PTPRM: variants seen among roughly 807,000 people sequenced by gnomAD.
PTPRM encodes receptor-type tyrosine-protein phosphatase mu.
In PTPRM, 47 loss-of-function variants were observed where a neutral mutation model predicts 186.7. The ratio of observed to expected loss-of-function variants is 0.25; its 90% CI spans 0.20 to 0.32. The LOEUF (loss-of-function observed/expected upper bound fraction) is 0.32. PTPRM is among the 10% of genes least tolerant of loss of function. The probability of loss-of-function intolerance (pLI) is 1.00; values close to 1 mark genes in which losing one functional copy is unlikely to be tolerated. For synonymous variants in PTPRM, 668 were observed against 674.9 expected (o/e 0.99, Z 0.16); for missense variants, 1,494 against 1,865.0 (o/e 0.80, Z 3.66).
In PTPRM at chr18:8,372,325, C is replaced by T. The variant is rs547839504; in HGVS notation, c.3171+1319C>T. ...TCCTGACCTCATGATCCACCCGCCTCGGCCTCCCAAAGTGCTGGGATTACA... is the reference window on the plus strand; with the variant it reads ...TCCTGACCTCATGATCCACCCGCCTTGGCCTCCCAAAGTGCTGGGATTACA... On this transcript the variant is annotated intron_variant, in intron 24 of 32. Transcript: ENST00000580170. Among the ~76,000 whole-genome samples, 232 of 144,168 alleles carry T rather than the reference C, an allele frequency of 1.6e-3. 9 individuals carry two copies. Among genetic ancestry groups the T allele is most frequent in the African/African-American group, 5.8e-3 (219 of 37,458 alleles). 94.6% of individuals were successfully genotyped at this position (144,168 alleles called of 152,430 possible). A position where few individuals can be genotyped will look rare whatever the true frequency, so the allele number is the denominator to read the frequency against.
chr18:7,984,588 T>TGTATATGCCCC (rs2082737122), intron 7 of PTPRM, among the ~76,000 whole-genome samples: 1 of 122,648 alleles, frequency 8.2e-6, no homozygotes, highest in Non-Finnish European at 1.6e-5. Context: ...TATATATATA[T>TGTATATGCCCC]ATATATATAT....
chr18:8,221,139 G>A (rs1298656550), intron 14 of PTPRM, among the ~76,000 whole-genome samples: 1 of 152,090 alleles, frequency 6.6e-6, no homozygotes, highest in Non-Finnish European at 1.5e-5. Context: ...TATGATTGGA[G>A]GGATTTGTCA....
intron 1 of PTPRM, chr18:7,747,729 C>A (rs1361102024): frequency 6.6e-6 from 1 of 152,244 alleles, no homozygotes; most frequent in East Asian, 1.9e-4. Flanking sequence ...TAAGGGTCCA[C>A]CCTACTTGAT....
At chr18:8,100,232 C>T (rs577285262) in intron 11 of PTPRM, among the ~76,000 whole-genome samples, 61 of 152,104 alleles carry the variant, frequency 4.0e-4, no homozygotes, top group African/African-American at 1.3e-3. Flanking sequence ...TCTGCCTCCC[C>T]GGTTCAAGCA....
At position 7,730,877 on chromosome 18, in the gene PTPRM, C is replaced by G. The variant is rs958089721; in HGVS notation, c.74-43272C>G. The stretch of plus-strand genomic sequence containing the variant: ...TTATTCTGTAAGGTTTCTGGCCTTC[C>G]CCTTTATCATAATTGCAGAGTGTCA... On this transcript the variant is annotated intron_variant, in intron 1 of 32. Transcript: ENST00000580170. Among the ~76,000 whole-genome samples, 3 of 152,146 alleles carry G rather than the reference C, an allele frequency of 2.0e-5. No homozygotes were observed. The South Asian group carries it at 6.2e-4, about 32-fold the overall frequency.
intron 6 of PTPRM, among the ~76,000 whole-genome samples, chr18:7,954,528 G>T (rs1020309265): frequency 6.6e-6 from 1 of 152,138 alleles, no homozygotes; most frequent in Non-Finnish European, 1.5e-5. Context: ...GATACCTTTG[G>T]AATATAAATA....
intron 24 of PTPRM, 85 bp downstream of exon 24, chr18:8,371,091 C>T (rs1293511086): frequency 9.6e-6 from 7 of 725,798 alleles, no homozygotes; most frequent in Non-Finnish European, 1.3e-5. Context: ...GGATACTTTA[C>T]ACATGCTCAT....
chr18:7,984,571 C>T (rs1297256193), intron 7 of PTPRM, among the ~76,000 whole-genome samples: 1 of 72,596 alleles, frequency 1.4e-5, no homozygotes, highest in Non-Finnish European at 2.5e-5. Context: ...TATATATGCC[C>T]CATATATATA....
At chr18:7,866,512 A>C (rs2047704977) in intron 2 of PTPRM, among the ~76,000 whole-genome samples, 1 of 152,306 alleles carries the variant, frequency 6.6e-6, no homozygotes, top group South Asian at 2.1e-4. Flanking sequence ...TGAGTTTCTT[A>C]ATCCTAAGTT....
chr18:8,225,729 A>G (rs757750674), intron 14 of PTPRM, among the ~76,000 whole-genome samples: 4 of 152,228 alleles, frequency 2.6e-5, no homozygotes, highest in Non-Finnish European at 5.9e-5. Flanking sequence ...AATATAAGAG[A>G]ATATCTTTAT....
intron 7 of PTPRM, among the ~76,000 whole-genome samples, chr18:8,024,937 G>T (rs73385637): frequency 6.6e-6 from 1 of 151,912 alleles, no homozygotes; most frequent in Non-Finnish European, 1.5e-5. Flanking sequence ...TCCTGCTTTG[G>T]CCTCAAGTGA....
rs140755817 is a variant in PTPRM at position 7,640,267 on chromosome 18, T to A, written c.73+72376T>A. 3.9e-5 allele frequency among the ~76,000 whole-genome samples: 6 copies of A among 152,310 alleles called. No individual in the cohort carries two copies. In the East Asian group the frequency reaches 9.6e-4, roughly 24 times the overall value. ...TTGCTACAGAAAGAAACTTCCAGTG[T>A]CCAGTTGAATGAATTAATTATATAT... On this transcript the variant is annotated intron_variant, in intron 1 of 32. Coordinates refer to ENST00000580170, the MANE Select transcript of PTPRM (RefSeq NM_001105244.2).
chr18:7,806,989 G>T (rs1050858526), intron 2 of PTPRM, among the ~76,000 whole-genome samples: 3 of 152,168 alleles, frequency 2.0e-5, no homozygotes, highest in Non-Finnish European at 2.9e-5. Flanking sequence ...ACCTCCCTTT[G>T]GGGTAGCTAC....
At chr18:7,887,814 T>G (rs1009756258) in intron 2 of PTPRM, among the ~76,000 whole-genome samples, 1 of 152,228 alleles carries the variant, frequency 6.6e-6, no homozygotes, top group Non-Finnish European at 1.5e-5. Flanking sequence ...TCCTGACTGC[T>G]AGACCTAAGG....
chr18:7,926,097 G>T (rs780208721), intron 4 of PTPRM, among the ~76,000 whole-genome samples: 1 of 152,134 alleles, frequency 6.6e-6, no homozygotes, highest in Admixed American at 6.5e-5. Context: ...CCAGTTAGTT[G>T]TATTAAAATA....
chr18:7,593,436 C>G (rs141624398), intron 1 of PTPRM, among the ~76,000 whole-genome samples: 5 of 152,312 alleles, frequency 3.3e-5, no homozygotes, highest in Admixed American at 6.5e-5. Flanking sequence ...CACATAAATG[C>G]TTCCTCACAT....
At chr18:8,167,727 T>TATAGGCTCTC (rs11281310) in intron 14 of PTPRM, among the ~76,000 whole-genome samples, 36,735 of 151,924 alleles carry the variant, frequency 0.24, 7,058 homozygotes, top group African/African-American at 0.54. Flanking sequence ...GCAAGTGAAA[T>TATAGGCTCTC]ATTGTGGGCT....
intron 1 of PTPRM, among the ~76,000 whole-genome samples, chr18:7,747,298 G>T (rs2144564512): frequency 6.6e-6 from 1 of 152,312 alleles, no homozygotes; most frequent in Non-Finnish European, 1.5e-5. Flanking sequence ...TGCACCACAT[G>T]GCTTGTTTGT....
chr18:8,128,584 G>A (rs1245849141), intron 13 of PTPRM, among the ~76,000 whole-genome samples: 3 of 151,972 alleles, frequency 2.0e-5, no homozygotes, highest in Admixed American at 2.0e-4. Flanking sequence ...TCTTTTATGT[G>A]TTATATTTGT....
Sources: allele counts gnomAD v4.1 joint callset (sites outside exome capture counted in the v4.1 genomes callset), GRCh38; gene constraint gnomAD v4.1.1; transcripts MANE v1.5; gene names NCBI Gene and HGNC (gene_info 2026-07-23, HGNC 2026-07-21).